The following SUSD1 variants were observed in gnomAD, a reference collection of about 807,000 sequenced individuals.
The protein encoded by SUSD1 is sushi domain-containing protein 1.
SUSD1 carries 65 observed loss-of-function variants against 86.9 expected under a neutral mutation model. The ratio of observed to expected loss-of-function variants is 0.75; its 90% CI spans 0.61 to 0.92. The LOEUF (loss-of-function observed/expected upper bound fraction) is 0.92. SUSD1 is among the 40% of genes least tolerant of loss of function. The pLI, the probability that SUSD1 is intolerant of heterozygous loss-of-function variation, is 0.00. For missense variants in SUSD1, 850 were observed against 929.7 expected, an observed-to-expected ratio of 0.91 and a Z score of 1.11; for synonymous variants, 346 against 350.0, an observed-to-expected ratio of 0.99 and a Z score of 0.13.
intron 12 of SUSD1, among the ~76,000 whole-genome samples, chr9:112,069,379 G>A (rs1829149027): frequency 6.6e-6 from 1 of 150,974 alleles, no homozygotes; most frequent in African/African-American, 2.5e-5. Flanking sequence ...TGAAATGAAG[G>A]TCTATGCTAT....
chr9:112,078,223 T>C (rs1589620004), intron 12 of SUSD1, among the ~76,000 whole-genome samples: 1 of 152,094 alleles, frequency 6.6e-6, no homozygotes, highest in African/African-American at 2.4e-5. Context: ...CCTATACAAC[T>C]ATAATCCCAG....
intron 4 of SUSD1, 53 bp from the exon 5 acceptor site, chr9:112,142,552 A>T (rs1165996952): frequency 1.2e-4 from 191 of 1,566,140 alleles, no homozygotes; most frequent in Non-Finnish European, 1.6e-4. Flanking sequence ...AATCTTCAAA[A>T]TTCACAATCT....
chr9:112,149,363 C>T lies in SUSD1; in HGVS notation c.254G>A (p.Cys85Tyr), dbSNP rs1832946959. ...GTTGTGGCAAGATGTGTGGTTCCCA[C>T]AGACAAGAGTGGCTCCAAACTGGCA... ...NECQFGATLVCGNHTSCHNTP... is the reference protein window; with the variant it reads ...NECQFGATLVYGNHTSCHNTP... The change falls in exon 3 of 17, where the codon TGT becomes TAT. Residue 85 changes from cysteine (C) to tyrosine (Y), a missense_variant. Physicochemically the swap from Cys to Tyr is radical, Grantham distance 194. Coordinates refer to ENST00000374270, the MANE Select transcript of SUSD1 (RefSeq NM_022486.5). The T allele has an allele frequency of 1.2e-6, 2 of 1,613,986 alleles. No homozygotes were observed. The highest frequency in any genetic ancestry group is 1.3e-5 in the African/African-American group (1 of 74,892).
At chr9:112,148,896 A>AC (rs929934118) in intron 3 of SUSD1, among the ~76,000 whole-genome samples, 31 of 138,714 alleles carry the variant, frequency 2.2e-4, no homozygotes, top group African/African-American at 4.1e-4. Flanking sequence ...ACAGAGTGAG[A>AC]CCCCCCCCTT....
chr9:112,045,852 A>C (rs1239291150), intron 15 of SUSD1, among the ~76,000 whole-genome samples: 1 of 152,204 alleles, frequency 6.6e-6, no homozygotes, highest in African/African-American at 2.4e-5. Context: ...CGCTACATCC[A>C]TGTTGGAAGA....
intron 15 of SUSD1, among the ~76,000 whole-genome samples, chr9:112,050,972 G>A (rs1008795242): frequency 6.6e-6 from 1 of 152,200 alleles, no homozygotes; most frequent in Non-Finnish European, 1.5e-5. Flanking sequence ...GGCTTTGGAG[G>A]AAATGGACAA....
intron 14 of SUSD1, among the ~76,000 whole-genome samples, chr9:112,054,103 G>T (rs1207904845): frequency 6.6e-6 from 1 of 152,116 alleles, no homozygotes; most frequent in Non-Finnish European, 1.5e-5. Context: ...ACAAAATGGG[G>T]CATTGGAAGA....
At chr9:112,050,082 C>T (rs1223677738) in intron 15 of SUSD1, among the ~76,000 whole-genome samples, 1 of 152,180 alleles carries the variant, frequency 6.6e-6, no homozygotes, top group Non-Finnish European at 1.5e-5. Context: ...GAAGCTTTGT[C>T]ATCTTAATTA....
intron 5 of SUSD1, among the ~76,000 whole-genome samples, chr9:112,132,689 C>T (rs1832082593): frequency 6.6e-6 from 1 of 152,234 alleles, no homozygotes; most frequent in Admixed American, 6.5e-5. Flanking sequence ...CTCTCCCCTA[C>T]TAAATGGTAA....
chr9:112,103,285 T>C (rs1372032116), intron 8 of SUSD1: 4 of 333,254 alleles, frequency 1.2e-5, no homozygotes, highest in Non-Finnish European at 2.3e-5. Flanking sequence ...CTGCCTATAA[T>C]TGGAAAGTGT....
At chr9:112,086,919 A>G (rs775371423) in intron 10 of SUSD1, among the ~76,000 whole-genome samples, 6 of 151,730 alleles carry the variant, frequency 4.0e-5, no homozygotes, top group Non-Finnish European at 8.8e-5. Flanking sequence ...CTTGTTAACC[A>G]TCCTAAACCA....
At chr9:112,101,051 T>C (rs1830612759) in intron 9 of SUSD1, among the ~76,000 whole-genome samples, 1 of 152,010 alleles carries the variant, frequency 6.6e-6, no homozygotes, top group Admixed American at 6.6e-5. Context: ...GATATACTTC[T>C]GGTAAATAGA....
intron 5 of SUSD1, among the ~76,000 whole-genome samples, chr9:112,135,002 G>C (rs977897055): frequency 3.3e-5 from 5 of 151,668 alleles, no homozygotes; most frequent in Non-Finnish European, 5.9e-5. Context: ...AGAGGCAGAG[G>C]TTGCAGTGAG....
intron 12 of SUSD1, among the ~76,000 whole-genome samples, chr9:112,065,835 T>C (rs1360860841): frequency 6.6e-6 from 1 of 152,184 alleles, no homozygotes; most frequent in Non-Finnish European, 1.5e-5. Context: ...TGATTAACAA[T>C]AATAGTTAAT....
At position 112,132,162 on chromosome 9, in the gene SUSD1, G is replaced by A. The variant is rs571469309; in HGVS notation, c.707-7726C>T. On this transcript the variant is annotated intron_variant, in intron 5 of 16. Transcript: ENST00000374270. Reference sequence around the variant, plus strand: ...CCATATTGGCTGCTGTTTATTATACGCATCAGCACAATAACATAGATTGAT... The same window carrying A: ...CCATATTGGCTGCTGTTTATTATACACATCAGCACAATAACATAGATTGAT... Among the ~76,000 whole-genome samples the A allele has an allele frequency of 7.2e-5, 11 of 152,194 alleles. No homozygotes were observed. In the East Asian group the frequency reaches 1.7e-3, roughly 24 times the overall value.
intron 6 of SUSD1, among the ~76,000 whole-genome samples, chr9:112,119,986 T>C (rs1368271932): frequency 6.6e-6 from 1 of 151,992 alleles, no homozygotes; most frequent in African/African-American, 2.4e-5. Flanking sequence ...GTAGGAGGCA[T>C]TCAGAGAGAA....
rs192325541 is a variant in SUSD1 at position 112,113,219 on chromosome 9, T to C, written c.887-351A>G. Reference sequence around the variant, plus strand: ...GCTGGGTCCTCAGTGAGACCTTCCCTGCAACTGCACAGGTAAGACCTACTT... The same window carrying C: ...GCTGGGTCCTCAGTGAGACCTTCCCCGCAACTGCACAGGTAAGACCTACTT... On this transcript the variant is annotated intron_variant, in intron 6 of 16. Coordinates refer to ENST00000374270, the MANE Select transcript of SUSD1 (RefSeq NM_022486.5). The surrounding 1 kb of genome is among the most constrained non-coding windows in gnomAD (Gnocchi z 4.1). 6.6e-6 allele frequency among the ~76,000 whole-genome samples: 1 copy of C among 152,332 alleles called. No individual in the cohort carries two copies. Among genetic ancestry groups the C allele is most frequent in the Admixed American group, 6.5e-5 (1 of 15,296 alleles).
At chr9:112,044,639 G>C (rs923325902) in intron 15 of SUSD1, among the ~76,000 whole-genome samples, 2 of 152,158 alleles carry the variant, frequency 1.3e-5, no homozygotes, top group African/African-American at 2.4e-5. Context: ...TTGATCACTA[G>C]AGCTTACACC....
intron 3 of SUSD1, chr9:112,146,174 C>A (rs1003823924): frequency 6.4e-5 from 9 of 139,600 alleles, no homozygotes; most frequent in African/African-American, 2.6e-4. Context: ...AACTGTGATT[C>A]TGAAAGAAAC....
Sources: allele counts gnomAD v4.1 joint callset (sites outside exome capture counted in the v4.1 genomes callset), GRCh38; gene constraint gnomAD v4.1.1; non-coding constraint Gnocchi (gnomAD v3.1); transcripts MANE v1.5; gene names NCBI Gene and HGNC (gene_info 2026-07-23, HGNC 2026-07-21).